The following HYI variants were observed in gnomAD, a reference collection of about 807,000 sequenced individuals.
HYI encodes hydroxypyruvate isomerase (putative).
Under a neutral mutation model 39.7 loss-of-function variants are expected in HYI, and 47 were observed. The observed-to-expected ratio is 1.18, with a 90% confidence interval of 0.94 to 1.51. The LOEUF (loss-of-function observed/expected upper bound fraction) is 1.51. Ranked by LOEUF, HYI falls within the 40% of genes most tolerant of loss-of-function variation. The probability of loss-of-function intolerance (pLI) is 0.00; values close to 1 mark genes in which losing one functional copy is unlikely to be tolerated. For missense variants in HYI, 465 were observed against 370.3 expected (o/e 1.26, Z -2.10); for synonymous variants, 186 against 158.8 (o/e 1.17, Z -1.29).
Position 43,451,315 on chromosome 1 carries a change from CA to C in HYI, c.761-5del. 1 of 1,613,696 alleles carries C rather than the reference CA, an allele frequency of 6.2e-7. No homozygotes were observed. The highest frequency in any genetic ancestry group is 8.5e-7 in the Non-Finnish European group (1 of 1,179,986). On this transcript the variant is annotated splice_polypyrimidine_tract_variant and splice_region_variant and intron_variant, in intron 7 of 7. Transcript: ENST00000372430. ...CTCAAGCCCTCTACTGTGTCTCCTGCAGGGAGAGGGAGGCCTCGGCACCTCA... is the reference window on the plus strand; with the variant it reads ...CTCAAGCCCTCTACTGTGTCTCCTGCGGGAGAGGGAGGCCTCGGCACCTCA...
chr1:43,451,801 T>A lies in HYI; in HGVS notation c.552A>T (p.Gln184His). 6.2e-7 allele frequency: 1 copy of A among 1,613,966 alleles called. No individual in the cohort carries two copies. The highest frequency in any genetic ancestry group is 1.1e-5 in the South Asian group (1 of 91,066). The stretch of plus-strand genomic sequence containing the variant: ...CGAAGTACCCCCTTCCACTTACCAT[T>A]TGTAATTGGAGGTTGGGTCTTCCTA... ...QKVGRPNLQL[Q>H]MDIFHWQIMD... Residue 184 changes from glutamine (Q) to histidine (H), a missense_variant, in exon 5 of 8, where the codon CAA (glutamine) becomes CAT (histidine). By Grantham distance (24) the Gln-to-His change is conservative. Transcript: ENST00000372430.
chr1:43,451,041 TCTC>T lies in HYI; in HGVS notation c.*194_*196del. On this transcript the variant is annotated 3_prime_UTR_variant, in exon 8 of 8. Coordinates refer to ENST00000372430, the MANE Select transcript of HYI (RefSeq NM_001190880.3). ...CCTTTAATGAGGTGGGTTCAGAAGC[TCTC>T]CCATCTTCACAGCAACCCTGGCACT... 1.3e-6 allele frequency: 1 copy of T among 779,106 alleles called. No homozygotes were observed. 48.3% of individuals were successfully genotyped at this position (779,106 alleles called of 1,614,324 possible).
rs1442343981 is a variant in HYI at position 43,453,717 on chromosome 1, G to A, written c.77C>T (p.Ala26Val). ...ELSGLPARVR[A>V]AGSSGFEAVE... ...GGCCTCGAAGCCCGAGCTGCCCGCG[G>A]CCCGCACCCGCGCGGGGAGGCCGGA... The change falls in exon 1 of 8, where the codon GCC becomes GTC. Residue 26 changes from alanine to valine, a missense_variant. By Grantham distance (64) the Ala-to-Val change is moderately conservative (BLOSUM62 0). Coordinates refer to ENST00000372430, the MANE Select transcript of HYI (RefSeq NM_001190880.3). The A allele has an allele frequency of 2.1e-6, 3 of 1,396,054 alleles. No individual in the cohort carries two copies. The highest frequency in any genetic ancestry group is 3.6e-5 in the Admixed American group (1 of 27,624). 86.5% of individuals were successfully genotyped at this position (1,396,054 alleles called of 1,614,324 possible). A position where few individuals can be genotyped will look rare whatever the true frequency, so the allele number is the denominator to read the frequency against.
chr1:43,451,758 C>T (rs773947729), intron 5 of HYI, 40 bp downstream of exon 5: 22 of 1,613,672 alleles, frequency 1.4e-5, no homozygotes, highest in Admixed American at 8.3e-5. Flanking sequence ...CCGCAGGCCC[C>T]GCCCTCCTTC....
At chr1:43,453,358 G>C in intron 2 of HYI, 28 bp downstream of exon 2, 1 of 1,450,996 alleles carries the variant, frequency 6.9e-7, no homozygotes, top group Non-Finnish European at 9.4e-7. Context: ...ATGGGTCACA[G>C]GGGTGGGGGT....
intron 1 of HYI, 47 bp downstream of exon 1, chr1:43,453,548 G>T: frequency 6.6e-7 from 1 of 1,520,284 alleles, no homozygotes. Context: ...CCCTGCCCGC[G>T]CCCCGGCACC....
rs1291560424 is a variant in HYI, at chr1:43,453,813, G to T, written c.-20C>A. On this transcript the variant is annotated 5_prime_UTR_variant, in exon 1 of 8. Coordinates refer to ENST00000372430, the MANE Select transcript of HYI (RefSeq NM_001190880.3). ...CGCCATGCCTGGGGAGGCCGGGCCG[G>T]GCGGAGTCCGCGGGATCCAAAGGCG... 8.0e-7 allele frequency: 1 copy of T among 1,247,568 alleles called. No individual in the cohort carries two copies. The highest frequency in any genetic ancestry group is 1.0e-6 in the Non-Finnish European group (1 of 998,580). 77.3% of individuals were successfully genotyped at this position (1,247,568 alleles called of 1,614,324 possible).
At position 43,453,697 on chromosome 1, in the gene HYI, C is replaced by G. The variant is rs775021587; in HGVS notation, c.97G>C (p.Glu33Gln). 2.7e-4 allele frequency: 382 copies of G among 1,437,294 alleles called. No individual in the cohort carries two copies. The highest frequency in any genetic ancestry group is 3.2e-4 in the Non-Finnish European group (353 of 1,105,310). 89.0% of individuals were successfully genotyped at this position (1,437,294 alleles called of 1,614,324 possible). A position where few individuals can be genotyped will look rare whatever the true frequency, so the allele number is the denominator to read the frequency against. The change falls in exon 1 of 8, where the codon GAG becomes CAG. Residue 33 changes from glutamate (E) to glutamine (Q), a missense_variant. By Grantham distance (29) the Glu-to-Gln change is conservative. Coordinates refer to ENST00000372430, the MANE Select transcript of HYI (RefSeq NM_001190880.3). ...TACGGCCAGGCCACCTCGACGGCCT[C>G]GAAGCCCGAGCTGCCCGCGGCCCGC... is the stretch of plus-strand genomic sequence containing the variant. ...RVRAAGSSGF[E>Q]AVEVAWPYAE...
chr1:43,452,097 G>C, intron 3 of HYI, 84 bp from the exon 4 acceptor site: 6 of 1,515,288 alleles, frequency 4.0e-6, no homozygotes, highest in Admixed American at 1.8e-5. Flanking sequence ...GCCCTCACCT[G>C]TTCCTCTGAC....
intron 2 of HYI, chr1:43,452,747 T>G: frequency 2.8e-6 from 2 of 722,904 alleles, no homozygotes; most frequent in Non-Finnish European, 4.7e-6. Flanking sequence ...GATCCCCTCT[T>G]GCCAGTTCCT....
chr1:43,453,409 A>T lies in HYI; in HGVS notation c.288T>A (p.Tyr96Ter), dbSNP rs769534662. ...ACCTGGGACAGCCCAGGGCTTTGGC[A>T]TACCGCACGGCCTGCTCCAGTCCCT... ...FREGLEQAVR[Y>*]AKALGCPRIH... Residue 96 changes from tyrosine (Y) to a stop codon, truncating the protein, a stop_gained, in exon 2 of 8, where the codon TAT becomes TAA. Transcript: ENST00000372430. LOFTEE classifies it high-confidence loss of function. The T allele has an allele frequency of 1.3e-6, 2 of 1,557,112 alleles. No individual in the cohort carries two copies. The highest frequency in any genetic ancestry group is 8.7e-7 in the Non-Finnish European group (1 of 1,149,716).
At chr1:43,450,617 C>T, downstream of HYI, 1 of 1,335,306 alleles carries the variant, frequency 7.5e-7, no homozygotes, top group Non-Finnish European at 1.0e-6. This position sits in a 1 kb window ranked among gnomAD's most constrained non-coding sequence, Gnocchi z 4.3. Context: ...GGCTTTGTAA[C>T]TATGTCTTGA....
downstream of HYI, chr1:43,450,924 G>A (rs371853571): frequency 2.5e-5 from 19 of 751,814 alleles, no homozygotes; most frequent in Admixed American, 1.4e-4. This position sits in a 1 kb window ranked among gnomAD's most constrained non-coding sequence, Gnocchi z 4.3. Flanking sequence ...CATTCCCATC[G>A]AGATGACACC....
intron 6 of HYI, 30 bp downstream of exon 6, chr1:43,451,618 G>A: frequency 6.2e-7 from 1 of 1,614,028 alleles, no homozygotes; most frequent in Non-Finnish European, 8.5e-7. Flanking sequence ...GGGATTGAAA[G>A]GGTGGGAGGG....
chr1:43,453,034 T>G (rs1252341010), intron 2 of HYI: 1 of 1,355,580 alleles, frequency 7.4e-7, no homozygotes, highest in Non-Finnish European at 1.0e-6. Flanking sequence ...TCACTACCTG[T>G]AAGCAGCTTT....
rs761033299 is a variant in HYI, at chr1:43,452,032, C to T, written c.427-19G>A. The T allele has an allele frequency of 1.9e-6, 3 of 1,594,824 alleles. No individual in the cohort carries two copies. The highest frequency in any genetic ancestry group is 3.4e-5 in the Admixed American group (2 of 59,100). ...GGTCCTCCTAGCAGCATGTCGGGTGCTGTGAATAGAGCTCCTTCCCAAGTT... is the reference window on the plus strand; with the variant it reads ...GGTCCTCCTAGCAGCATGTCGGGTGTTGTGAATAGAGCTCCTTCCCAAGTT... On this transcript the variant is annotated intron_variant, in intron 3 of 7. Transcript: ENST00000372430.
chr1:43,453,685 C>T lies in HYI; in HGVS notation c.109G>A (p.Val37Met). 6.9e-7 allele frequency: 1 copy of T among 1,453,978 alleles called. No homozygotes were observed. Among genetic ancestry groups the T allele is most frequent in the Non-Finnish European group, 9.0e-7 (1 of 1,112,932 alleles). 90.1% of individuals were successfully genotyped at this position (1,453,978 alleles called of 1,614,324 possible). A position where few individuals can be genotyped will look rare whatever the true frequency, so the allele number is the denominator to read the frequency against. ...GGCGTCTCCGCGTACGGCCAGGCCA[C>T]CTCGACGGCCTCGAAGCCCGAGCTG... ...AGSSGFEAVE[V>M]AWPYAETPEA... Residue 37 changes from valine (V) to methionine (M), a missense_variant, in exon 1 of 8, where the codon GTG becomes ATG. Coordinates refer to ENST00000372430, the MANE Select transcript of HYI (RefSeq NM_001190880.3).
intron 2 of HYI, 172 bp from the exon 3 acceptor site, chr1:43,452,491 A>C: frequency 1.4e-6 from 1 of 699,302 alleles, no homozygotes; most frequent in South Asian, 1.5e-5. Context: ...GTGATGGCTG[A>C]GGGGCAAGCC....
intron 3 of HYI, 68 bp from the exon 4 acceptor site, chr1:43,452,081 G>A (rs974678825): frequency 1.3e-5 from 20 of 1,537,802 alleles, no homozygotes; most frequent in Non-Finnish European, 2.7e-6. Context: ...TCAGTCACTG[G>A]TCAAGGCCCT....
Sources: gnomAD v4.1 joint callset for allele counts on GRCh38, gnomAD v4.1.1 for gene constraint, Gnocchi (gnomAD v3.1) non-coding constraint, MANE v1.5 for transcripts, NCBI Gene and HGNC (gene_info 2026-07-23, HGNC 2026-07-21) for gene names.